Variants in NUP62CL observed in about 807,000 individuals in gnomAD.
NUP62CL encodes nucleoporin-62 C-terminal-like protein.
In NUP62CL, 13 loss-of-function variants were observed where a neutral mutation model predicts 15.3. The ratio of observed to expected loss-of-function variants is 0.85; its 90% confidence interval spans 0.55 to 1.35. NUP62CL has a LOEUF of 1.35. Ranked by LOEUF, NUP62CL falls within the 40% of genes most tolerant of loss-of-function variation. The pLI, the probability that NUP62CL is intolerant of heterozygous loss-of-function variation, is 0.00. For synonymous variants in NUP62CL, 54 were observed against 49.2 expected (o/e 1.10, Z -0.41); for missense variants, 123 against 130.6 (o/e 0.94, Z 0.28).
intron 1 of NUP62CL, among the ~76,000 whole-genome samples, chrX:107,200,529 G>A (rs1927454783): frequency 9.2e-6 from 1 of 108,818 alleles, no homozygotes; most frequent in South Asian, 4.0e-4. Context: ...TGAGGCAGGA[G>A]AATCGCTTGA....
chrX:107,148,436 T>A (rs1692234380), intron 7 of NUP62CL, among the ~76,000 whole-genome samples: 1 of 111,416 alleles, frequency 9.0e-6, no homozygotes, highest in South Asian at 3.7e-4. Flanking sequence ...AATGATTAAA[T>A]AGATCATGGT....
At chrX:107,167,806 GT>G in intron 3 of NUP62CL, 22 bp from the exon 4 acceptor site, 1 of 1,170,118 alleles carries the variant, frequency 8.5e-7, no homozygotes, top group Non-Finnish European at 1.2e-6. Context: ...AGTGTATAAT[GT>G]TAGTAAGAAA....
At chrX:107,179,376 GT>G (rs1170991770) in intron 2 of NUP62CL, among the ~76,000 whole-genome samples, 4 of 111,335 alleles carry the variant, frequency 3.6e-5, no homozygotes, top group Non-Finnish European at 7.5e-5. Flanking sequence ...AGTGAACACA[GT>G]ACCCAATAGG....
At chrX:107,200,213 T>C (rs1927445904) in intron 1 of NUP62CL, among the ~76,000 whole-genome samples, 1 of 112,182 alleles carries the variant, frequency 8.9e-6, no homozygotes, top group Non-Finnish European at 1.9e-5. Context: ...CTTCATACTA[T>C]AGCTTCTCAA....
chrX:107,164,944 CA>C (rs1215070430), intron 4 of NUP62CL, among the ~76,000 whole-genome samples: 2 of 111,855 alleles, frequency 1.8e-5, no homozygotes, highest in African/African-American at 6.5e-5. Context: ...ACTAAAAATA[CA>C]AAAAAATTAA....
intron 1 of NUP62CL, among the ~76,000 whole-genome samples, chrX:107,203,036 G>C (rs746524855): frequency 3.9e-4 from 41 of 106,247 alleles, no homozygotes; most frequent in African/African-American, 1.2e-3. Context: ...CACCAGGACT[G>C]ATCACTGCCT....
chrX:107,164,270 T>G (rs750212120), intron 4 of NUP62CL, among the ~76,000 whole-genome samples: 11 of 111,853 alleles, frequency 9.8e-5, no homozygotes, highest in Non-Finnish European at 2.1e-4. Context: ...CAAAGAAGGA[T>G]TCACAAAGGA....
chrX:107,180,647 T>C (rs1019294648), intron 2 of NUP62CL, among the ~76,000 whole-genome samples: 1 of 111,551 alleles, frequency 9.0e-6, no homozygotes, highest in South Asian at 3.8e-4. Flanking sequence ...AGGACTAATA[T>C]GTATTTTTAT....
chrX:107,131,804 A>T (rs1443948729), intron 8 of NUP62CL: 2 of 1,136,037 alleles, frequency 1.8e-6, no homozygotes, highest in East Asian at 6.0e-5. Flanking sequence ...CTGCAAGTGG[A>T]CAGCTGTGTC....
intron 4 of NUP62CL, among the ~76,000 whole-genome samples, chrX:107,166,811 T>A (rs1024489794): frequency 2.7e-5 from 3 of 111,204 alleles, no homozygotes; most frequent in Admixed American, 9.6e-5. Flanking sequence ...AATAAAAAAA[T>A]CCAATCCCCA....
intron 8 of NUP62CL, among the ~76,000 whole-genome samples, chrX:107,142,040 GCT>G (rs1255704292): frequency 9.1e-6 from 1 of 109,409 alleles, no homozygotes; most frequent in East Asian, 2.9e-4. Context: ...ACAGAGTGAG[GCT>G]CTGTCTCAAA....
At chrX:107,136,547 T>C (rs1925643178) in intron 8 of NUP62CL, among the ~76,000 whole-genome samples, 1 of 111,996 alleles carries the variant, frequency 8.9e-6, no homozygotes, top group Non-Finnish European at 1.9e-5. Flanking sequence ...TAAAGGCCAG[T>C]ATTATACTAT....
At chrX:107,142,049 CA>C (rs1238918032) in intron 8 of NUP62CL, among the ~76,000 whole-genome samples, 1 of 109,144 alleles carries the variant, frequency 9.2e-6, no homozygotes, top group Non-Finnish European at 1.9e-5. Context: ...GGCTCTGTCT[CA>C]AAAAATACAT....
chrX:107,177,924 T>C (rs934274286), intron 2 of NUP62CL, among the ~76,000 whole-genome samples: 5 of 111,627 alleles, frequency 4.5e-5, no homozygotes, highest in African/African-American at 1.6e-4. Flanking sequence ...GCAGTATTAT[T>C]CAAAATAGAC....
At chrX:107,200,709 A>G (rs1927463516) in intron 1 of NUP62CL, among the ~76,000 whole-genome samples, 1 of 108,553 alleles carries the variant, frequency 9.2e-6, no homozygotes, top group Non-Finnish European at 1.9e-5. Flanking sequence ...GGGCATGAAG[A>G]CCTAGGAAGA....
At chrX:107,189,010 T>TA (rs1927142579) in intron 2 of NUP62CL, among the ~76,000 whole-genome samples, 1 of 111,538 alleles carries the variant, frequency 9.0e-6, no homozygotes, top group Non-Finnish European at 1.9e-5. Flanking sequence ...TTTTTCTCAC[T>TA]AAAAAAAGAC....
intron 2 of NUP62CL, among the ~76,000 whole-genome samples, chrX:107,177,054 G>A (rs1926803904): frequency 9.0e-6 from 1 of 111,168 alleles, no homozygotes; most frequent in African/African-American, 3.3e-5. Flanking sequence ...ACATGATCAC[G>A]AATACAGAAA....
In NUP62CL at chrX:107,178,594, A is replaced by C. The variant is rs375682265; in HGVS notation, c.-47-3401T>G. 2.9e-3 allele frequency among the ~76,000 whole-genome samples: 322 copies of C among 112,019 alleles called. 2 individuals are homozygous for C. The highest frequency in any genetic ancestry group is 9.9e-3 in the African/African-American group (305 of 30,876). On this transcript the variant is annotated intron_variant, in intron 2 of 8. Transcript: ENST00000372466. ...TATTCTATTTCACCTTTAAAAGGAA[A>C]AAGGTGCTTAATAAGTAACTGTACT...
At chrX:107,156,453 C>T (rs1290163599) in intron 4 of NUP62CL, among the ~76,000 whole-genome samples, 1 of 106,616 alleles carries the variant, frequency 9.4e-6, no homozygotes, top group African/African-American at 3.4e-5. Flanking sequence ...AGACTGCCTC[C>T]TCAAGTGGGT....
Sources: allele counts gnomAD v4.1 joint callset (sites outside exome capture counted in the v4.1 genomes callset), GRCh38; gene constraint gnomAD v4.1.1; transcripts MANE v1.5; gene names NCBI Gene and HGNC (gene_info 2026-07-23, HGNC 2026-07-21).